Variants in EIF4G3 observed in about 807,000 individuals in gnomAD.
The protein encoded by EIF4G3 is eukaryotic translation initiation factor 4 gamma 3.
Under a neutral mutation model 186.4 loss-of-function variants are expected in EIF4G3, and 34 were observed. That is an observed-to-expected ratio of 0.18 (90% CI 0.14 to 0.24). EIF4G3 has a LOEUF of 0.24. Among genes scored for constraint, EIF4G3 ranks in the 10% least tolerant of loss-of-function variants. The pLI, the probability that EIF4G3 is intolerant of heterozygous loss-of-function variation, is 1.00. For synonymous variants in EIF4G3, 673 were observed against 679.5 expected (o/e 0.99, Z 0.15); for missense variants, 1,536 against 1,948.5 (o/e 0.79, Z 3.99).
chr1:21,045,263 GA>G (rs1234315090), intron 4 of EIF4G3, among the ~76,000 whole-genome samples: 1 of 152,142 alleles, frequency 6.6e-6, no homozygotes, highest in African/African-American at 2.4e-5. Context: ...TGGGTGTTGG[GA>G]CCATTCATCA....
At chr1:21,153,120 C>G (rs569988700) in intron 2 of EIF4G3, among the ~76,000 whole-genome samples, 1 of 152,216 alleles carries the variant, frequency 6.6e-6, no homozygotes, top group Non-Finnish European at 1.5e-5. Context: ...TTCATTTTTA[C>G]TTCTTCCCAC....
At chr1:21,108,435 G>A (rs763284068) in intron 2 of EIF4G3, among the ~76,000 whole-genome samples, 1 of 152,060 alleles carries the variant, frequency 6.6e-6, no homozygotes, top group Non-Finnish European at 1.5e-5. Context: ...ATGGAGAAAG[G>A]AGGGGAATGT....
chr1:21,155,483 C>T (rs2097642691), intron 2 of EIF4G3, among the ~76,000 whole-genome samples: 2 of 152,048 alleles, frequency 1.3e-5, no homozygotes, highest in South Asian at 4.1e-4. Flanking sequence ...ACAGTAACTA[C>T]TGCCCAGAAC....
chr1:21,052,071 A>T (rs981606789), intron 3 of EIF4G3, among the ~76,000 whole-genome samples: 3 of 152,216 alleles, frequency 2.0e-5, no homozygotes, highest in Non-Finnish European at 4.4e-5. Flanking sequence ...TTATTTTCTC[A>T]TTTATATTTT....
At chr1:21,102,487 T>C (rs1385272286) in intron 2 of EIF4G3, among the ~76,000 whole-genome samples, 1 of 152,216 alleles carries the variant, frequency 6.6e-6, no homozygotes, top group Non-Finnish European at 1.5e-5. Context: ...AATTCATCCA[T>C]GACGCACTTA....
intron 4 of EIF4G3, among the ~76,000 whole-genome samples, chr1:21,035,618 C>T (rs1218672248): frequency 6.6e-6 from 1 of 152,244 alleles, no homozygotes; most frequent in Non-Finnish European, 1.5e-5. Context: ...TCCAGCTTGG[C>T]CCCTCCAAAC....
Position 20,855,083 on chromosome 1 carries a change from G to A in EIF4G3, c.3340-12C>T. The A allele has an allele frequency of 6.4e-7, 1 of 1,564,092 alleles. No individual in the cohort carries two copies. The highest frequency in any genetic ancestry group is 8.8e-7 in the Non-Finnish European group (1 of 1,140,044). On this transcript the variant is annotated splice_polypyrimidine_tract_variant and intron_variant, in intron 25 of 36. Coordinates refer to ENST00000602326, the MANE Select transcript of EIF4G3 (RefSeq NM_001391906.1). ...TCATCAATTGTAGGCTGTAACATAA[G>A]GGACCACAAGTCAATTATAGGAAAT...
chr1:20,879,606 T>C, intron 19 of EIF4G3, 86 bp from the exon 20 acceptor site: 1 of 807,972 alleles, frequency 1.2e-6, no homozygotes, highest in Admixed American at 3.3e-5. Flanking sequence ...AAAAATAATA[T>C]ATAAGTTCAA....
chr1:20,910,623 T>A (rs1337638301), intron 14 of EIF4G3, among the ~76,000 whole-genome samples: 2 of 152,096 alleles, frequency 1.3e-5, no homozygotes, highest in East Asian at 3.8e-4. Context: ...AAAAACCTTC[T>A]TGATTATCTT....
rs9426729 is a variant in EIF4G3 at position 21,125,514 on chromosome 1, T to C, written c.-271-36301A>G. On this transcript the variant is annotated intron_variant, in intron 2 of 36. Coordinates refer to ENST00000602326, the MANE Select transcript of EIF4G3 (RefSeq NM_001391906.1). ...CAGGCAGATCACCTGAGGTCAGGAGTTCGAGACCAGCCTGGCCAACACGGT... is the reference window on the plus strand; with the variant it reads ...CAGGCAGATCACCTGAGGTCAGGAGCTCGAGACCAGCCTGGCCAACACGGT... 4.2e-3 allele frequency among the ~76,000 whole-genome samples: 637 copies of C among 151,764 alleles called. 1 individual carries two copies. Among genetic ancestry groups the C allele is most frequent in the African/African-American group, 0.015 (612 of 41,346 alleles).
intron 32 of EIF4G3, among the ~76,000 whole-genome samples, chr1:20,825,434 A>G (rs1224710009): frequency 1.3e-5 from 2 of 152,066 alleles, no homozygotes; most frequent in Non-Finnish European, 2.9e-5. Context: ...GGCAACACAC[A>G]CAGCAAGACC....
chr1:21,101,027 G>A (rs1427563454), intron 2 of EIF4G3, among the ~76,000 whole-genome samples: 1 of 152,060 alleles, frequency 6.6e-6, no homozygotes, highest in Admixed American at 6.6e-5. Context: ...GTCAAAGCAC[G>A]CTTATACTAA....
In EIF4G3 at chr1:20,980,571, A is replaced by C. The variant is rs911717743; in HGVS notation, c.379-123T>G. The C allele has an allele frequency of 9.1e-6, 6 of 657,182 alleles. No homozygotes were observed. In the African/African-American group the frequency reaches 1.2e-4, roughly 13 times the overall value. 40.7% of individuals were successfully genotyped at this position (657,182 alleles called of 1,614,324 possible). A position where few individuals can be genotyped will look rare whatever the true frequency, so the allele number is the denominator to read the frequency against. On this transcript the variant is annotated intron_variant, in intron 9 of 36. Coordinates refer to ENST00000602326, the MANE Select transcript of EIF4G3 (RefSeq NM_001391906.1). ...AGTTCTCTGTGTAAGAGAATCATTT[A>C]AATGAGGTAAAGCGATTGGGTCAAA...
rs1301231988 is a variant in EIF4G3 at position 20,810,499 on chromosome 1, GC to G, written c.4744+238del. Among the ~76,000 whole-genome samples, 2 of 152,068 alleles carry G rather than the reference GC, an allele frequency of 1.3e-5. No individual in the cohort carries two copies. The highest frequency in any genetic ancestry group is 2.9e-5 in the Non-Finnish European group (2 of 68,006). ...GATAGGGTTTCACCATGTTGGCCAG[GC>G]TGGTCTTGAACTCTTGACCTCAAGT... On this transcript the variant is annotated intron_variant, in intron 36 of 36. Coordinates refer to ENST00000602326, the MANE Select transcript of EIF4G3 (RefSeq NM_001391906.1). The surrounding 1 kb of genome is among the most constrained non-coding windows in gnomAD (Gnocchi z 4.1).
chr1:20,969,439 A>G (rs765574172), intron 12 of EIF4G3, 35 bp downstream of exon 12: 12 of 1,612,094 alleles, frequency 7.4e-6, no homozygotes, highest in Non-Finnish European at 1.0e-5. Flanking sequence ...TTAGTGAACA[A>G]ATAGTGCCAT....
At chr1:21,059,702 T>TA (rs1216349898) in intron 3 of EIF4G3, among the ~76,000 whole-genome samples, 1 of 152,182 alleles carries the variant, frequency 6.6e-6, no homozygotes, top group Non-Finnish European at 1.5e-5. Flanking sequence ...AAGTAATACT[T>TA]AAAAACTCAA....
At chr1:21,171,495 C>T (rs911434769) in intron 2 of EIF4G3, among the ~76,000 whole-genome samples, 2 of 152,180 alleles carry the variant, frequency 1.3e-5, no homozygotes, top group Non-Finnish European at 2.9e-5. Context: ...CTGAATCTAA[C>T]ATTAACAAGC....
At position 20,914,544 on chromosome 1, in the gene EIF4G3, T is replaced by C. The variant is rs572268088; in HGVS notation, c.1664-9573A>G. The stretch of plus-strand genomic sequence containing the variant: ...ACAGACCTGATGACACCTTGATTTT[T>C]GGCCCAAATGAAACCCATTTTGGAC... On this transcript the variant is annotated intron_variant, in intron 14 of 36. Transcript: ENST00000602326. 3.3e-5 allele frequency among the ~76,000 whole-genome samples: 5 copies of C among 152,328 alleles called. No homozygotes were observed. In the South Asian group the frequency reaches 1.0e-3, roughly 32 times the overall value.
chr1:20,827,234 G>T (rs2063873221), intron 32 of EIF4G3, among the ~76,000 whole-genome samples: 1 of 152,164 alleles, frequency 6.6e-6, no homozygotes, highest in Non-Finnish European at 1.5e-5. Flanking sequence ...TATTGGTTTA[G>T]ATTTATCTGT....
Sources: gnomAD v4.1 joint callset for allele counts (sites outside exome capture counted in the v4.1 genomes callset) on GRCh38, gnomAD v4.1.1 for gene constraint, Gnocchi (gnomAD v3.1) non-coding constraint, MANE v1.5 for transcripts, NCBI Gene and HGNC (gene_info 2026-07-23, HGNC 2026-07-21) for gene names.